PEX14: variants seen among roughly 807,000 people sequenced by gnomAD.
PEX14 encodes peroxisomal membrane protein PEX14.
PEX14 carries 15 observed loss-of-function variants against 49.5 expected under a neutral mutation model. The observed-to-expected ratio is 0.30, with a 90% confidence interval of 0.20 to 0.47. PEX14 has a LOEUF of 0.47. PEX14 is among the 20% of genes least tolerant of loss of function. PEX14 has a pLI of 1.00. For missense variants in PEX14, 398 were observed against 494.8 expected (o/e 0.80, Z 1.86); for synonymous variants, 210 against 212.7 (o/e 0.99, Z 0.11).
chr1:10,524,439 T>C, intron 2 of PEX14: 1 of 965,394 alleles, frequency 1.0e-6, no homozygotes, highest in Non-Finnish European at 1.2e-6. Context: ...GGAGTTACCA[T>C]TGATTTAAAG....
At chr1:10,606,497 G>T in intron 4 of PEX14, among the ~76,000 whole-genome samples, 2 of 151,856 alleles carry the variant, frequency 1.3e-5, no homozygotes, top group East Asian at 3.9e-4. Flanking sequence ...CCCATAGGAG[G>T]TTTGAGTTCT....
At chr1:10,521,407 TTC>T (rs1178646210) in intron 2 of PEX14, among the ~76,000 whole-genome samples, 2 of 152,252 alleles carry the variant, frequency 1.3e-5, no homozygotes, top group African/African-American at 4.8e-5. Flanking sequence ...CTGAGTTTAC[TTC>T]TCTGAATTTG....
intron 3 of PEX14, among the ~76,000 whole-genome samples, chr1:10,592,600 C>G (rs1640701097): frequency 1.3e-5 from 2 of 152,172 alleles, no homozygotes; most frequent in Non-Finnish European, 2.9e-5. Context: ...GGAAAGTTTC[C>G]TCCTTATGTG....
chr1:10,520,107 TG>T (rs1439493106), intron 2 of PEX14, among the ~76,000 whole-genome samples: 9 of 151,148 alleles, frequency 6.0e-5, no homozygotes, highest in African/African-American at 2.2e-4. Flanking sequence ...CCCACAGTGC[TG>T]GGATTACAGG....
In PEX14 at chr1:10,623,745, G is replaced by A. The variant is rs1424746197; in HGVS notation, c.488-595G>A. Among the ~76,000 whole-genome samples the A allele has an allele frequency of 6.6e-6, 1 of 152,232 alleles. No homozygotes were observed. Among genetic ancestry groups the A allele is most frequent in the East Asian group, 1.9e-4 (1 of 5,202 alleles). On this transcript the variant is annotated intron_variant, in intron 6 of 8. Transcript: ENST00000356607. The surrounding 1 kb of genome is among the most constrained non-coding windows in gnomAD (Gnocchi z 4.4). ...GTCTGTGTCCCTCTGGAGCACGTTT[G>A]TGAAGCTCACAGAAACCCTCTGACA...
At chr1:10,532,625 A>G (rs1375010539) in intron 2 of PEX14, among the ~76,000 whole-genome samples, 1 of 152,120 alleles carries the variant, frequency 6.6e-6, no homozygotes, top group Non-Finnish European at 1.5e-5. Flanking sequence ...CTCCCACAAC[A>G]TGTGCAATAA....
chr1:10,506,115 T>G (rs1342689431), intron 2 of PEX14, among the ~76,000 whole-genome samples: 1 of 152,180 alleles, frequency 6.6e-6, no homozygotes, highest in African/African-American at 2.4e-5. Context: ...CTCACCAGGC[T>G]CTTGGTGCTC....
intron 3 of PEX14, among the ~76,000 whole-genome samples, chr1:10,548,241 A>G (rs1639231656): frequency 6.6e-6 from 1 of 152,118 alleles, no homozygotes; most frequent in Non-Finnish European, 1.5e-5. Flanking sequence ...AAACAAAACA[A>G]AAAGAAAAAT....
intron 2 of PEX14, among the ~76,000 whole-genome samples, chr1:10,518,216 C>A (rs1161505375): frequency 1.3e-5 from 2 of 152,098 alleles, no homozygotes; most frequent in Non-Finnish European, 2.9e-5. Flanking sequence ...ATTTGCATCT[C>A]TGTTAATTAA....
intron 3 of PEX14, among the ~76,000 whole-genome samples, chr1:10,579,138 C>T (rs1202807425): frequency 6.6e-6 from 1 of 152,026 alleles, no homozygotes; most frequent in African/African-American, 2.4e-5. Context: ...CGAGGTGTAT[C>T]ACAGTGAAAC....
intron 3 of PEX14, among the ~76,000 whole-genome samples, chr1:10,570,848 G>GTTTTTTTTTTT (rs70997255): frequency 5.3e-5 from 6 of 113,912 alleles, no homozygotes; most frequent in Admixed American, 2.1e-4. Context: ...TGTCAACAGG[G>GTTTTTTTTTTT]TTTTTTTTTT....
intron 1 of PEX14, among the ~76,000 whole-genome samples, chr1:10,486,127 G>A (rs1427309340): frequency 6.6e-6 from 1 of 152,070 alleles, no homozygotes; most frequent in Non-Finnish European, 1.5e-5. Flanking sequence ...AATAAAGACA[G>A]CTTTACTTCT....
At position 10,629,588 on chromosome 1, in the gene PEX14, C is replaced by T; in HGVS notation, c.735C>T (p.Val245=). The part of the protein sequence containing the change: ...APKIPSWQIP[V]KSPSPSSPAA... ...AGATCCCCTCCTGGCAGATCCCAGT[C>T]AAGTCACCGTCACCCTCCAGCCCTG... Residue 245 remains valine, a synonymous_variant, in exon 9 of 9, where the codon GTC becomes GTT. Transcript: ENST00000356607. The surrounding 1 kb of genome is among the most constrained non-coding windows in gnomAD (Gnocchi z 8.5). 1 of 1,614,052 alleles carries T rather than the reference C, an allele frequency of 6.2e-7. No homozygotes were observed. The highest frequency in any genetic ancestry group is 8.5e-7 in the Non-Finnish European group (1 of 1,180,000).
chr1:10,581,256 C>G (rs932063169), intron 3 of PEX14, among the ~76,000 whole-genome samples: 2 of 151,300 alleles, frequency 1.3e-5, no homozygotes, highest in Non-Finnish European at 2.9e-5. Flanking sequence ...AAACCTGTTT[C>G]CATTCTTGTT....
intron 4 of PEX14, among the ~76,000 whole-genome samples, chr1:10,616,649 G>T (rs932217542): frequency 6.6e-6 from 1 of 152,174 alleles, no homozygotes; most frequent in Non-Finnish European, 1.5e-5. Context: ...GGAGATGGCC[G>T]CTCCAGAAAG....
intron 1 of PEX14, among the ~76,000 whole-genome samples, chr1:10,480,049 T>C (rs1338521937): frequency 1.3e-5 from 2 of 152,154 alleles, no homozygotes; most frequent in Non-Finnish European, 2.9e-5. Flanking sequence ...ATTACCCTTT[T>C]AGTGTTGACT....
intron 3 of PEX14, among the ~76,000 whole-genome samples, chr1:10,541,225 C>T (rs911314553): frequency 1.1e-4 from 16 of 152,206 alleles, no homozygotes; most frequent in Admixed American, 1.3e-4. Flanking sequence ...GCCCTGGGTT[C>T]AACCCTGAAG....
intron 4 of PEX14, 58 bp from the exon 5 acceptor site, chr1:10,618,274 C>A: frequency 7.2e-7 from 1 of 1,383,390 alleles, no homozygotes; most frequent in East Asian, 2.3e-5. Flanking sequence ...GTGCCAGCCC[C>A]CACCCGAAGA....
At chr1:10,587,545 T>C (rs980346090) in intron 3 of PEX14, among the ~76,000 whole-genome samples, 4 of 152,156 alleles carry the variant, frequency 2.6e-5, no homozygotes, top group African/African-American at 9.7e-5. Flanking sequence ...TGAGGGAATG[T>C]GAGTGGAAAC....
Sources: allele counts gnomAD v4.1 joint callset (sites outside exome capture counted in the v4.1 genomes callset), GRCh38; gene constraint gnomAD v4.1.1; non-coding constraint Gnocchi (gnomAD v3.1); transcripts MANE v1.5; gene names NCBI Gene and HGNC (gene_info 2026-07-23, HGNC 2026-07-21).